The following LRRC23 variants were observed in gnomAD, a reference collection of about 807,000 sequenced individuals.
The protein encoded by LRRC23 is leucine rich repeat containing 23, also known as leucine-rich repeat-containing protein 23.
In LRRC23, 28 loss-of-function variants were observed where a neutral mutation model predicts 37.7. The observed-to-expected ratio is 0.74, with a 90% confidence interval of 0.55 to 1.02. LRRC23 has a LOEUF of 1.02. Ranked by LOEUF, LRRC23 falls within the 50% of genes least tolerant of loss-of-function variation. The probability of loss-of-function intolerance (pLI) is 0.00; values close to 1 mark genes in which losing one functional copy is unlikely to be tolerated. For missense variants in LRRC23, 377 were observed against 413.2 expected (o/e 0.91, Z 0.76); for synonymous variants, 161 against 165.4 (o/e 0.97, Z 0.20).
chr12:6,909,474 TTTATATATTATATAATATA>T (rs1315200681), intron 5 of LRRC23, among the ~76,000 whole-genome samples: 19 of 95,892 alleles, frequency 2.0e-4, no homozygotes, highest in Middle Eastern at 4.5e-3. Flanking sequence ...TAATATATAT[TTTATATATTATATAATATA>T]TTATATATTA....
At chr12:6,913,102 C>G in intron 7 of LRRC23, 75 bp downstream of exon 7, 1 of 1,444,936 alleles carries the variant, frequency 6.9e-7, no homozygotes, top group Non-Finnish European at 9.4e-7. Flanking sequence ...AGAGGGGAAG[C>G]TGCTGCAGAA....
Position 6,912,735 on chromosome 12 carries a change from A to G in LRRC23, c.764A>G (p.Asn255Ser). ...CCTCCTGACCACACTGGCAGGGGCA[A>G]CATGGTGGCCAACCTGGGGGAGCTG... ...KSLQYLNLRG[N>S]MVANLGELAK... Residue 255 changes from asparagine (N) to serine (S), a missense_variant, in exon 7 of 8, where the codon AAC becomes AGC. By Grantham distance (46) the Asn-to-Ser change is conservative. This residue lies in a region of LRRC23 where 266 missense variants were observed against 285.6 expected (regional missense o/e 0.93). Coordinates refer to ENST00000443597, the MANE Select transcript of LRRC23 (RefSeq NM_001135217.2). 6.2e-7 allele frequency: 1 copy of G among 1,613,836 alleles called. No homozygotes were observed.
chr12:6,910,720 AAAAT>A (rs1945136855), intron 6 of LRRC23, among the ~76,000 whole-genome samples: 1 of 152,184 alleles, frequency 6.6e-6, no homozygotes, highest in East Asian at 1.9e-4. Flanking sequence ...AAACAAAACA[AAAAT>A]AAAATATTAA....
chr12:6,906,895 G>A, intron 4 of LRRC23: 3 of 560,042 alleles, frequency 5.4e-6, no homozygotes, highest in Non-Finnish European at 9.5e-6. Flanking sequence ...AGACAAACAA[G>A]TAACAACAAA....
chr12:6,907,741 C>A, intron 5 of LRRC23: 1 of 576,842 alleles, frequency 1.7e-6, no homozygotes, highest in South Asian at 2.1e-5. Flanking sequence ...AAACCCTCCT[C>A]TCAGACTGGG....
Position 6,912,738 on chromosome 12 carries a change from T to A in LRRC23, c.767T>A (p.Met256Lys). Residue 256 changes from methionine (M) to lysine (K), a missense_variant, in exon 7 of 8, where the codon ATG becomes AAG. This residue lies in a region of LRRC23 where 266 missense variants were observed against 285.6 expected (regional missense o/e 0.93). Coordinates refer to ENST00000443597, the MANE Select transcript of LRRC23 (RefSeq NM_001135217.2). Reference protein sequence around the residue: ...SLQYLNLRGNMVANLGELAKL... With the variant: ...SLQYLNLRGNKVANLGELAKL... The stretch of plus-strand genomic sequence containing the variant: ...CCTGACCACACTGGCAGGGGCAACA[T>A]GGTGGCCAACCTGGGGGAGCTGGCC... 1 of 1,613,748 alleles carries A rather than the reference T, an allele frequency of 6.2e-7. No homozygotes were observed. The highest frequency in any genetic ancestry group is 8.5e-7 in the Non-Finnish European group (1 of 1,179,940).
Position 6,913,555 on chromosome 12 carries a change from G to GTTTTTTTT in LRRC23, c.*25-315_*25-308dup, listed in dbSNP as rs869177982. ...GGAGAGGCTTTATTTACCTCTGTTT[G>GTTTTTTTT]TTTTTTTTTTTTTTTTTTTTTTTTT... is the stretch of plus-strand genomic sequence containing the variant. On this transcript the variant is annotated intron_variant, in intron 7 of 7. Coordinates refer to ENST00000443597, the MANE Select transcript of LRRC23 (RefSeq NM_001135217.2). Among the ~76,000 whole-genome samples, 126 of 76,378 alleles carry GTTTTTTTT rather than the reference G, an allele frequency of 1.6e-3. 8 individuals carry two copies. Among genetic ancestry groups the GTTTTTTTT allele is most frequent in the East Asian group, 2.4e-3 (5 of 2,122 alleles). 50.1% of individuals were successfully genotyped at this position (76,378 alleles called of 152,430 possible).
At position 6,907,409 on chromosome 12, in the gene LRRC23, G is replaced by A. The variant is rs992953923; in HGVS notation, c.585G>A (p.Leu195=). The A allele has an allele frequency of 1.2e-6, 2 of 1,613,990 alleles. No individual in the cohort carries two copies. The highest frequency in any genetic ancestry group is 1.7e-6 in the Non-Finnish European group (2 of 1,179,994). ...ELRGNQLEST[L]GINLPKLKNL... is the part of the protein sequence containing the mutation. ...GGGGGAACCAGCTGGAAAGCACCCT[G>A]GGAATCAATCTTCCTAAGCTGAAGA... The change falls in exon 5 of 8, where the codon CTG becomes CTA. Residue 195 remains leucine (L), a synonymous_variant. Coordinates refer to ENST00000443597, the MANE Select transcript of LRRC23 (RefSeq NM_001135217.2).
chr12:6,908,320 G>C (rs1555139969), intron 5 of LRRC23, among the ~76,000 whole-genome samples: 1 of 152,020 alleles, frequency 6.6e-6, no homozygotes, highest in African/African-American at 2.4e-5. Context: ...AATCAGGCCG[G>C]GCGCGGTGGC....
chr12:6,908,035 C>A (rs1555139930), intron 5 of LRRC23, among the ~76,000 whole-genome samples: 1 of 152,050 alleles, frequency 6.6e-6, no homozygotes, highest in African/African-American at 2.4e-5. Flanking sequence ...GACCTCTTCT[C>A]TGGATTTAAT....
At position 6,906,403 on chromosome 12, in the gene LRRC23, T is replaced by G. The variant is rs782595221; in HGVS notation, c.237-6T>G. 276 of 1,612,312 alleles carry G rather than the reference T, an allele frequency of 1.7e-4. No individual in the cohort carries two copies. The highest frequency in any genetic ancestry group is 2.2e-4 in the Non-Finnish European group (262 of 1,179,118). Reference sequence around the variant, plus strand: ...CCTGGTTTCTTCTCCCTCTTCCATCTCCTAGGGACCTGACAGACATCTACT... The same window carrying G: ...CCTGGTTTCTTCTCCCTCTTCCATCGCCTAGGGACCTGACAGACATCTACT... On this transcript the variant is annotated splice_polypyrimidine_tract_variant and splice_region_variant and intron_variant, in intron 3 of 7. Transcript: ENST00000443597.
Position 6,909,215 on chromosome 12 carries a change from A to T in LRRC23, c.622-675A>T, listed in dbSNP as rs782683118. Among the ~76,000 whole-genome samples, 4 of 1,912 alleles carry T rather than the reference A, an allele frequency of 2.1e-3. No homozygotes were observed. The East Asian group carries it at 0.14, about 65-fold the overall frequency. 1.3% of individuals were successfully genotyped at this position (1,912 alleles called of 152,430 possible). ...TATATATAATATATAATTATATATA[A>T]TATATATAATTAGATATAATATATA... On this transcript the variant is annotated intron_variant, in intron 5 of 7. Transcript: ENST00000443597.
At chr12:6,910,432 G>A (rs1354852868) in intron 6 of LRRC23, among the ~76,000 whole-genome samples, 1 of 152,046 alleles carries the variant, frequency 6.6e-6, no homozygotes, top group Non-Finnish European at 1.5e-5. Flanking sequence ...ATAATGGCCC[G>A]GCATGGTGGC....
chr12:6,909,163 TAAA>T lies in LRRC23; in HGVS notation c.622-725_622-723del, dbSNP rs1193188346. On this transcript the variant is annotated intron_variant, in intron 5 of 7. Coordinates refer to ENST00000443597, the MANE Select transcript of LRRC23 (RefSeq NM_001135217.2). The stretch of plus-strand genomic sequence containing the variant: ...TATATTATATATTATATATTATATA[TAAA>T]ATATATAATATATAATTATATATTA... Among the ~76,000 whole-genome samples, 2 of 1,266 alleles carry T rather than the reference TAAA, an allele frequency of 1.6e-3. 1 individual carries two copies. The highest frequency in any genetic ancestry group is 2.4e-3 in the Non-Finnish European group (2 of 850). 0.8% of individuals were successfully genotyped at this position (1,266 alleles called of 152,430 possible). A position where few individuals can be genotyped will look rare whatever the true frequency, so the allele number is the denominator to read the frequency against.
chr12:6,906,553 T>C lies in LRRC23; in HGVS notation c.381T>C (p.Ser127=). Residue 127 remains serine, a synonymous_variant, in exon 4 of 8, where the codon AGT becomes AGC. Coordinates refer to ENST00000443597, the MANE Select transcript of LRRC23 (RefSeq NM_001135217.2). ...WLKADGNRLR[S]AQMNELPYLQ... ...AGGCTGATGGCAATCGGCTGCGAAG[T>C]GCCCAGATGAATGAACTGCCCTACC... 1 of 1,614,232 alleles carries C rather than the reference T, an allele frequency of 6.2e-7. No homozygotes were observed. Among genetic ancestry groups the C allele is most frequent in the South Asian group, 1.1e-5 (1 of 91,088 alleles).
intron 6 of LRRC23, among the ~76,000 whole-genome samples, chr12:6,911,976 C>G (rs1555140811): frequency 6.6e-6 from 1 of 152,136 alleles, no homozygotes; most frequent in Non-Finnish European, 1.5e-5. Context: ...GCACCCCCAA[C>G]CGGGGTGACA....
At chr12:6,909,445 G>GTATATAA (rs782458007) in intron 5 of LRRC23, among the ~76,000 whole-genome samples, 4 of 67,586 alleles carry the variant, frequency 5.9e-5, no homozygotes, top group South Asian at 4.0e-4. Context: ...ATATATAATA[G>GTATATAA]TATATAATAT....
intron 7 of LRRC23, among the ~76,000 whole-genome samples, chr12:6,913,551 G>GT (rs1248085636): frequency 0.045 from 3,495 of 78,012 alleles, 661 homozygotes; most frequent in Non-Finnish European, 0.058. Flanking sequence ...ATTTACCTCT[G>GT]TTTGTTTTTT....
rs782600094 is a variant in LRRC23, at chr12:6,912,919, T to C, written c.948T>C (p.Asp316=). ...FYEEEERAEA[D]VIRQRLKEEK... ...AGGAGGAGGAACGGGCTGAGGCTGA[T>C]GTGATTCGACAGAGGCTGAAGGAAG... The change falls in exon 7 of 8, where the codon GAT becomes GAC. Residue 316 remains aspartate, a synonymous_variant. Coordinates refer to ENST00000443597, the MANE Select transcript of LRRC23 (RefSeq NM_001135217.2). 6 of 1,613,750 alleles carry C rather than the reference T, an allele frequency of 3.7e-6. No individual in the cohort carries two copies. Among genetic ancestry groups the C allele is most frequent in the South Asian group, 3.3e-5 (3 of 91,052 alleles).
Sources: allele counts gnomAD v4.1 joint callset (sites outside exome capture counted in the v4.1 genomes callset), GRCh38; gene constraint gnomAD v4.1.1; regional missense constraint gnomAD v4.1.1; transcripts MANE v1.5; gene names NCBI Gene and HGNC (gene_info 2026-07-23, HGNC 2026-07-21).